NTN4: variants seen among roughly 807,000 people sequenced by gnomAD.
NTN4 encodes netrin-4.
Under a neutral mutation model 73.6 loss-of-function variants are expected in NTN4, and 32 were observed. The observed-to-expected ratio is 0.44, with a 90% CI of 0.33 to 0.58. The LOEUF is 0.58. Among genes scored for constraint, NTN4 ranks in the 20% least tolerant of loss-of-function variants. The pLI is 0.04. For synonymous variants in NTN4, 258 were observed against 287.5 expected (o/e 0.90, Z 1.04); for missense variants, 654 against 798.3 (o/e 0.82, Z 2.18).
intron 3 of NTN4, among the ~76,000 whole-genome samples, chr12:95,734,799 G>A (rs1326852603): frequency 1.3e-5 from 2 of 152,170 alleles, no homozygotes; most frequent in African/African-American, 4.8e-5. Context: ...CAGCACTTTG[G>A]GAGGCTGAGG....
At chr12:95,717,441 C>T (rs1430432935) in intron 3 of NTN4, among the ~76,000 whole-genome samples, 2 of 152,012 alleles carry the variant, frequency 1.3e-5, no homozygotes, top group Non-Finnish European at 2.9e-5. Context: ...TGGGATGAAC[C>T]TCCCGGGGTC....
At chr12:95,703,531 G>A (rs183824254) in intron 5 of NTN4, among the ~76,000 whole-genome samples, 92 of 152,246 alleles carry the variant, frequency 6.0e-4, no homozygotes, top group African/African-American at 1.9e-3. Flanking sequence ...TCAAAACTCC[G>A]AAACAGGTTT....
chr12:95,769,970 T>C (rs1443951425), intron 2 of NTN4, among the ~76,000 whole-genome samples: 1 of 152,108 alleles, frequency 6.6e-6, no homozygotes, highest in East Asian at 1.9e-4. Context: ...TTGGCCAGGC[T>C]GGTCTTGAAC....
rs758891542 is a variant in NTN4 at position 95,729,632 on chromosome 12, A to AGTGTGT, written c.864+8228_864+8233dup. 2.9e-3 allele frequency among the ~76,000 whole-genome samples: 354 copies of AGTGTGT among 124,150 alleles called. 4 individuals are homozygous for AGTGTGT. Among genetic ancestry groups the AGTGTGT allele is most frequent in the East Asian group, 0.022 (95 of 4,404 alleles). The allele number at this position is 124,150 out of a possible 152,430, so 81.4% of individuals were successfully genotyped here. A position where few individuals can be genotyped will look rare whatever the true frequency, so the allele number is the denominator to read the frequency against. On this transcript the variant is annotated intron_variant, in intron 3 of 9. Transcript: ENST00000343702. ...ATTATAAAGAGAGAGAGAGAGAGAG[A>AGTGTGT]GTGTGTGTGTGTGTGTGTGTGTGTG...
chr12:95,746,553 G>A (rs1592700391), intron 2 of NTN4, among the ~76,000 whole-genome samples: 1 of 152,114 alleles, frequency 6.6e-6, no homozygotes, highest in South Asian at 2.1e-4. Context: ...GTACAACAAG[G>A]GTGTTTCTCT....
At chr12:95,679,731 G>A (rs1344080135) in intron 7 of NTN4, among the ~76,000 whole-genome samples, 1 of 152,144 alleles carries the variant, frequency 6.6e-6, no homozygotes, top group African/African-American at 2.4e-5. Flanking sequence ...CCATGCTGAT[G>A]GGTGTTACTC....
chr12:95,687,393 T>G (rs932073735), intron 5 of NTN4, among the ~76,000 whole-genome samples: 9 of 141,834 alleles, frequency 6.3e-5, no homozygotes, highest in Admixed American at 2.9e-4. Flanking sequence ...AATTTTTTTT[T>G]TTGTTTTTTT....
rs569511553 is a variant in NTN4, at chr12:95,687,359, T to C, written c.1181-3648A>G. Among the ~76,000 whole-genome samples the C allele has an allele frequency of 1.1e-4, 17 of 152,228 alleles. No individual in the cohort carries two copies. The East Asian group carries it at 2.9e-3, about 26-fold the overall frequency. The stretch of plus-strand genomic sequence containing the variant: ...CCTTAAATCTGTTTGAGACATTCCA[T>C]GTAAAAATAATTTGGTGAAAAAAAA... On this transcript the variant is annotated intron_variant, in intron 5 of 9. Transcript: ENST00000343702.
At chr12:95,763,473 A>C (rs1486174694) in intron 2 of NTN4, among the ~76,000 whole-genome samples, 3 of 152,212 alleles carry the variant, frequency 2.0e-5, no homozygotes, top group Non-Finnish European at 4.4e-5. Flanking sequence ...AAACAAGTCT[A>C]CTTTATCTTC....
intron 2 of NTN4, among the ~76,000 whole-genome samples, chr12:95,756,424 AGATT>A (rs1479257204): frequency 6.6e-6 from 1 of 152,160 alleles, no homozygotes; most frequent in African/African-American, 2.4e-5. Flanking sequence ...TTTATAAATA[AGATT>A]GATTGGTGTG....
chr12:95,755,791 G>T (rs1331292533), intron 2 of NTN4, among the ~76,000 whole-genome samples: 1 of 152,172 alleles, frequency 6.6e-6, no homozygotes, highest in Non-Finnish European at 1.5e-5. Flanking sequence ...GTGATGCAAA[G>T]GCAGCTTCGT....
chr12:95,760,197 C>G (rs182648881), intron 2 of NTN4, among the ~76,000 whole-genome samples: 20 of 152,186 alleles, frequency 1.3e-4, no homozygotes, highest in Non-Finnish European at 2.1e-4. Context: ...TAATTTAACC[C>G]TATTACAAAG....
intron 2 of NTN4, among the ~76,000 whole-genome samples, chr12:95,755,374 G>A (rs868479409): frequency 2.0e-5 from 3 of 152,162 alleles, no homozygotes; most frequent in African/African-American, 2.4e-5. Context: ...TGCAGCGAGT[G>A]GGAGTTCTGG....
At chr12:95,751,585 T>TA in intron 2 of NTN4, among the ~76,000 whole-genome samples, 1 of 152,080 alleles carries the variant, frequency 6.6e-6, no homozygotes, top group South Asian at 2.1e-4. Context: ...CCAGAGCCCC[T>TA]GGAACTCTGG....
At chr12:95,740,459 AACAAG>A (rs1268406216) in intron 2 of NTN4, among the ~76,000 whole-genome samples, 2 of 152,208 alleles carry the variant, frequency 1.3e-5, no homozygotes, top group African/African-American at 4.8e-5. Flanking sequence ...ACACACTCCC[AACAAG>A]ATATATTAAT....
intron 7 of NTN4, among the ~76,000 whole-genome samples, chr12:95,675,272 C>T (rs1028471285): frequency 6.6e-6 from 1 of 152,068 alleles, no homozygotes; most frequent in Admixed American, 6.6e-5. Context: ...GTGAAAAAAC[C>T]ATGATACAGA....
intron 2 of NTN4, among the ~76,000 whole-genome samples, chr12:95,752,847 T>TA (rs1592704854): frequency 6.6e-6 from 1 of 152,328 alleles, no homozygotes; most frequent in South Asian, 2.1e-4. Context: ...TTAGAGGCCC[T>TA]AAAAATCACA....
chr12:95,787,199 C>A lies in NTN4; in HGVS notation c.325G>T (p.Ala109Ser). 1 of 1,614,224 alleles carries A rather than the reference C, an allele frequency of 6.2e-7. No homozygotes were observed. Among genetic ancestry groups the A allele is most frequent in the African/African-American group, 1.3e-5 (1 of 75,050 alleles). The change falls in exon 2 of 10, where the codon GCG becomes TCG. Residue 109 changes from alanine (A) to serine (S), a missense_variant. By Grantham distance (99) the Ala-to-Ser change is moderately conservative (BLOSUM62 1). Transcript: ENST00000343702. Reference sequence around the variant, plus strand: ...ATCTTTTCTCTGTGCACATCCTCCGCAGACTGCCACCATGTGCGAGGAAAC... The same window carrying A: ...ATCTTTTCTCTGTGCACATCCTCCGAAGACTGCCACCATGTGCGAGGAAAC... ...FRFPRTWWQS[A>S]EDVHREKIQL... is the part of the protein sequence containing the mutation.
At chr12:95,695,241 G>A (rs1206655099) in intron 5 of NTN4, among the ~76,000 whole-genome samples, 1 of 152,142 alleles carries the variant, frequency 6.6e-6, no homozygotes, top group East Asian at 1.9e-4. Context: ...CTACCCAAAA[G>A]AGGGGTAGGA....
Sources: allele counts gnomAD v4.1 joint callset (sites outside exome capture counted in the v4.1 genomes callset), GRCh38; gene constraint gnomAD v4.1.1; transcripts MANE v1.5; gene names NCBI Gene and HGNC (gene_info 2026-07-23, HGNC 2026-07-21).